The following KALRN variants were observed in gnomAD, a reference collection of about 807,000 sequenced individuals.
The protein encoded by KALRN is kalirin RhoGEF kinase.
Under a neutral mutation model 353.7 loss-of-function variants are expected in KALRN, and 70 were observed. The observed-to-expected ratio is 0.20, with a 90% CI of 0.16 to 0.24. The LOEUF is 0.24. Among genes scored for constraint, KALRN ranks in the 10% least tolerant of loss-of-function variants. The probability of loss-of-function intolerance (pLI) is 1.00; values close to 1 mark genes in which losing one functional copy is unlikely to be tolerated. For synonymous variants in KALRN, 1,391 were observed against 1,434.8 expected, an observed-to-expected ratio of 0.97 and a Z score of 0.69; for missense variants, 2,791 against 3,756.7, an observed-to-expected ratio of 0.74 and a Z score of 6.72.
intron 10 of KALRN, among the ~76,000 whole-genome samples, chr3:124,363,909 A>G (rs1245028868): frequency 6.6e-6 from 1 of 152,230 alleles, no homozygotes. Flanking sequence ...AAACAGCATG[A>G]TGCTTTGCAT....
chr3:124,685,094 C>T (rs1008115868), intron 51 of KALRN, among the ~76,000 whole-genome samples: 4 of 152,088 alleles, frequency 2.6e-5, no homozygotes, highest in Non-Finnish European at 4.4e-5. Context: ...TGCCTGGTTC[C>T]GCATTTTATA....
chr3:124,123,994 A>G (rs1237359551), intron 1 of KALRN, among the ~76,000 whole-genome samples: 1 of 152,246 alleles, frequency 6.6e-6, no homozygotes, highest in Non-Finnish European at 1.5e-5. Context: ...CTGCTAACAC[A>G]ACATCCTTTC....
intron 1 of KALRN, among the ~76,000 whole-genome samples, chr3:124,124,213 G>C (rs567191544): frequency 6.6e-6 from 1 of 152,336 alleles, no homozygotes; most frequent in East Asian, 1.9e-4. Context: ...ATTAATGGGA[G>C]TTTGGAAGAA....
At chr3:124,628,939 T>C (rs2063813112) in intron 34 of KALRN, among the ~76,000 whole-genome samples, 1 of 152,152 alleles carries the variant, frequency 6.6e-6, no homozygotes, top group African/African-American at 2.4e-5. Context: ...ATTGGCTGCA[T>C]GTAGGCCAGA....
chr3:124,034,392 G>A (rs1183904877), intron 1 of KALRN, among the ~76,000 whole-genome samples: 1 of 152,132 alleles, frequency 6.6e-6, no homozygotes, highest in Non-Finnish European at 1.5e-5. Flanking sequence ...GGCAGACCCA[G>A]CTGGGAGGGC....
At chr3:124,224,892 T>A (rs1055275679) in intron 1 of KALRN, among the ~76,000 whole-genome samples, 1 of 152,240 alleles carries the variant, frequency 6.6e-6, no homozygotes, top group Non-Finnish European at 1.5e-5. Flanking sequence ...TCTACTCAGA[T>A]TGCCAGTGCT....
intron 1 of KALRN, among the ~76,000 whole-genome samples, chr3:124,143,763 G>A (rs1488859776): frequency 1.3e-5 from 2 of 152,158 alleles, no homozygotes; most frequent in Non-Finnish European, 2.9e-5. Flanking sequence ...CAATTTTGGT[G>A]TCCTAAAAGC....
intron 37 of KALRN, among the ~76,000 whole-genome samples, chr3:124,649,921 C>G (rs1373057338): frequency 6.6e-6 from 1 of 150,676 alleles, no homozygotes; most frequent in Non-Finnish European, 1.5e-5. Flanking sequence ...CCCAGGAGTT[C>G]AAGACCAGCC....
chr3:124,567,364 G>C (rs1390900393), intron 34 of KALRN, among the ~76,000 whole-genome samples: 1 of 152,130 alleles, frequency 6.6e-6, no homozygotes, highest in Non-Finnish European at 1.5e-5. Flanking sequence ...TGAGCTTCTG[G>C]GTAGTGCTAG....
chr3:124,227,269 A>G (rs1202955812), intron 1 of KALRN, among the ~76,000 whole-genome samples: 1 of 152,214 alleles, frequency 6.6e-6, no homozygotes, highest in East Asian at 1.9e-4. Context: ...AAGATTTAGA[A>G]AGAGAACAAG....
intron 6 of KALRN, 25 bp from the exon 7 acceptor site, chr3:124,325,955 C>G (rs1242719688): frequency 3.1e-6 from 5 of 1,598,402 alleles, no homozygotes; most frequent in Non-Finnish European, 4.3e-6. Flanking sequence ...GCCTGCCCCA[C>G]TGAGCACTCT....
intron 1 of KALRN, chr3:124,080,060 T>C (rs1443925405): frequency 4.2e-6 from 2 of 471,284 alleles, no homozygotes; most frequent in Non-Finnish European, 4.4e-6. Context: ...GCTGCCAGAA[T>C]TGGATCCAAC....
intron 42 of KALRN, 148 bp from the exon 43 acceptor site, chr3:124,659,217 C>A: frequency 1.5e-6 from 1 of 664,882 alleles, no homozygotes; most frequent in Non-Finnish European, 2.8e-6. Context: ...GAACAGTCCT[C>A]TAGGCAATTT....
chr3:124,217,285 T>C (rs572353463), intron 1 of KALRN, among the ~76,000 whole-genome samples: 40 of 152,344 alleles, frequency 2.6e-4, no homozygotes, highest in Middle Eastern at 3.4e-3. Context: ...TTGAATTGTA[T>C]ATGTTTGGAT....
intron 1 of KALRN, among the ~76,000 whole-genome samples, chr3:124,081,748 C>G (rs897934030): frequency 6.6e-6 from 1 of 152,040 alleles, no homozygotes; most frequent in African/African-American, 2.4e-5. Flanking sequence ...CAGAATGAGG[C>G]CCTGTCTCAG....
chr3:124,457,289 C>G (rs547525406), intron 23 of KALRN, among the ~76,000 whole-genome samples: 1 of 152,102 alleles, frequency 6.6e-6, no homozygotes. Flanking sequence ...AGGCTGGTCT[C>G]GGACTCCTGA....
chr3:124,080,466 A>C (rs931078650), intron 1 of KALRN, among the ~76,000 whole-genome samples: 1 of 152,236 alleles, frequency 6.6e-6, no homozygotes, highest in African/African-American at 2.4e-5. Context: ...ATAGATAGAT[A>C]GATAGATATC....
intron 25 of KALRN, among the ~76,000 whole-genome samples, chr3:124,465,010 GCA>G (rs963550970): frequency 6.6e-6 from 1 of 152,070 alleles, no homozygotes; most frequent in African/African-American, 2.4e-5. Flanking sequence ...AATATGTTCC[GCA>G]CTAAAGGCAA....
chr3:124,490,179 A>G (rs938261465), intron 29 of KALRN, among the ~76,000 whole-genome samples: 1 of 152,144 alleles, frequency 6.6e-6, no homozygotes, highest in Non-Finnish European at 1.5e-5. Flanking sequence ...GATCACTTGA[A>G]CCTGGGAGTT....
Sources: allele counts gnomAD v4.1 joint callset (sites outside exome capture counted in the v4.1 genomes callset), GRCh38; gene constraint gnomAD v4.1.1; transcripts MANE v1.5; gene names NCBI Gene and HGNC (gene_info 2026-07-23, HGNC 2026-07-21).